ADAM22: variants seen among roughly 807,000 people sequenced by gnomAD.
The protein encoded by ADAM22 is disintegrin and metalloproteinase domain-containing protein 22.
ADAM22 carries 65 observed loss-of-function variants against 144.6 expected under a neutral mutation model. That is an observed-to-expected ratio of 0.45 (90% CI 0.37 to 0.55). The LOEUF is 0.55. Among genes scored for constraint, ADAM22 ranks in the 20% least tolerant of loss-of-function variants. The probability of loss-of-function intolerance (pLI) is 0.00; values close to 1 mark genes in which losing one functional copy is unlikely to be tolerated. For missense variants in ADAM22, 974 were observed against 1,184.9 expected (o/e 0.82, Z 2.61); for synonymous variants, 391 against 412.6 (o/e 0.95, Z 0.63).
chr7:87,939,130 G>A (rs572249570), intron 2 of ADAM22, among the ~76,000 whole-genome samples: 2 of 152,134 alleles, frequency 1.3e-5, no homozygotes, highest in African/African-American at 2.4e-5. Context: ...AGAGGCCAGC[G>A]GAGGCAGAGA....
At chr7:88,141,453 G>A (rs1834603743) in intron 14 of ADAM22, among the ~76,000 whole-genome samples, 1 of 152,144 alleles carries the variant, frequency 6.6e-6, no homozygotes, top group South Asian at 2.1e-4. Flanking sequence ...TAACTACTGT[G>A]TTTAGAAGAA....
intron 3 of ADAM22, among the ~76,000 whole-genome samples, chr7:88,034,567 G>T (rs1801052609): frequency 6.6e-6 from 1 of 152,130 alleles, no homozygotes; most frequent in African/African-American, 2.4e-5. Flanking sequence ...TAACTTGAGT[G>T]CCCCCAAGTC....
intron 3 of ADAM22, among the ~76,000 whole-genome samples, chr7:88,017,242 T>C (rs560150243): frequency 6.6e-6 from 1 of 152,330 alleles, no homozygotes; most frequent in East Asian, 1.9e-4. Flanking sequence ...TAATTTATTG[T>C]ATATTTTGAA....
At chr7:87,993,341 A>G (rs1202421051) in intron 3 of ADAM22, among the ~76,000 whole-genome samples, 1 of 152,214 alleles carries the variant, frequency 6.6e-6, no homozygotes, top group Middle Eastern at 3.2e-3. Flanking sequence ...TTCATTGGTA[A>G]TCTTTATACA....
chr7:88,178,147 C>T (rs1846127110), intron 26 of ADAM22, among the ~76,000 whole-genome samples: 1 of 152,094 alleles, frequency 6.6e-6, no homozygotes, highest in Non-Finnish European at 1.5e-5. Context: ...TGACTTGGGT[C>T]AATAACAGTG....
At chr7:88,020,830 G>C (rs73202325) in intron 3 of ADAM22, among the ~76,000 whole-genome samples, 4,056 of 152,238 alleles carry the variant, frequency 0.027, 84 homozygotes, top group Non-Finnish European at 0.04. Context: ...ACAAAAGCAT[G>C]GGGGTAAGAG....
At chr7:87,978,653 C>A (rs1360389691) in intron 3 of ADAM22, among the ~76,000 whole-genome samples, 2 of 152,044 alleles carry the variant, frequency 1.3e-5, no homozygotes, top group Non-Finnish European at 2.9e-5. Flanking sequence ...CAAGAGTTAC[C>A]CCAATATTTT....
intron 15 of ADAM22, 66 bp downstream of exon 15, chr7:88,143,191 A>G (rs918695840): frequency 8.7e-6 from 10 of 1,152,384 alleles, no homozygotes; most frequent in Non-Finnish European, 1.3e-5. Context: ...TTACAAATAC[A>G]CATTTTCAGC....
intron 3 of ADAM22, among the ~76,000 whole-genome samples, chr7:88,063,527 A>T (rs972335245): frequency 6.6e-6 from 1 of 152,192 alleles, no homozygotes; most frequent in Non-Finnish European, 1.5e-5. Context: ...AAGACACTAG[A>T]GAAAGGACAG....
At chr7:88,000,665 A>G (rs915390035) in intron 3 of ADAM22, among the ~76,000 whole-genome samples, 4 of 152,200 alleles carry the variant, frequency 2.6e-5, no homozygotes, top group African/African-American at 4.8e-5. Flanking sequence ...TTATGGTTCA[A>G]CAAAATAAAT....
chr7:88,062,703 C>G (rs1182994983), intron 3 of ADAM22, among the ~76,000 whole-genome samples: 1 of 152,206 alleles, frequency 6.6e-6, no homozygotes, highest in Admixed American at 6.5e-5. Flanking sequence ...TTTCAACATG[C>G]CTTCCTCACT....
intron 3 of ADAM22, among the ~76,000 whole-genome samples, chr7:87,997,977 G>A (rs1306623576): frequency 6.6e-6 from 1 of 152,236 alleles, no homozygotes; most frequent in East Asian, 1.9e-4. Flanking sequence ...GAAGCTGACA[G>A]TGCAGCCGTC....
intron 4 of ADAM22, chr7:88,089,901 TGTCAACTGAGGGCCTTCAGTCATTGGAG>T (rs532548876): frequency 1.2e-4 from 18 of 152,064 alleles, no homozygotes; most frequent in Admixed American, 1.2e-3. Context: ...ATGGGCAGAG[TGTCAACTGAGGGCCTTCAGTCATTGGAG>T]GTCTCCTGCT....
At chr7:88,169,836 A>C (rs1441960334) in intron 25 of ADAM22, among the ~76,000 whole-genome samples, 2 of 152,164 alleles carry the variant, frequency 1.3e-5, no homozygotes, top group Non-Finnish European at 2.9e-5. Flanking sequence ...ATTGTGTTGA[A>C]GTAGCTCAGT....
intron 2 of ADAM22, among the ~76,000 whole-genome samples, chr7:87,955,656 C>G (rs541440567): frequency 6.6e-6 from 1 of 152,218 alleles, no homozygotes; most frequent in African/African-American, 2.4e-5. Flanking sequence ...CTGCTCTCCT[C>G]AAAGTTGTCA....
Position 87,935,157 on chromosome 7 carries a change from C to G in ADAM22, c.217C>G (p.Arg73Gly). 1 of 1,611,486 alleles carries G rather than the reference C, an allele frequency of 6.2e-7. No homozygotes were observed. Among genetic ancestry groups the G allele is most frequent in the Non-Finnish European group, 8.5e-7 (1 of 1,178,854 alleles). ...AAGTCGGCACGACGCGCTCGACACG[C>G]GGGTGCGGGGCGACCTCGGTGGCCC... ...DESRHDALDT[R>G]VRGDLGGPQL... Residue 73 changes from arginine to glycine, a missense_variant, in exon 2 of 32, where the codon CGG becomes GGG. Coordinates refer to ENST00000413139, the MANE Select transcript of ADAM22 (RefSeq NM_001324418.2).
intron 4 of ADAM22, among the ~76,000 whole-genome samples, chr7:88,079,540 G>A (rs1316774551): frequency 6.6e-6 from 1 of 152,064 alleles, no homozygotes; most frequent in East Asian, 1.9e-4. Context: ...CAATTAAAAG[G>A]CACAGACTGG....
chr7:88,152,262 T>C (rs1838634415), intron 20 of ADAM22, among the ~76,000 whole-genome samples: 1 of 152,218 alleles, frequency 6.6e-6, no homozygotes, highest in Non-Finnish European at 1.5e-5. Context: ...CTATTGTTTT[T>C]TTTAAAAATA....
intron 17 of ADAM22, 24 bp downstream of exon 17, chr7:88,145,531 T>C: frequency 6.3e-7 from 1 of 1,578,966 alleles, no homozygotes; most frequent in Middle Eastern, 1.7e-4. Flanking sequence ...AATGACCATT[T>C]GACAGAAAAA....
Sources: allele counts gnomAD v4.1 joint callset (sites outside exome capture counted in the v4.1 genomes callset), GRCh38; gene constraint gnomAD v4.1.1; transcripts MANE v1.5; gene names NCBI Gene and HGNC (gene_info 2026-07-23, HGNC 2026-07-21).